SLC44A5: variants seen among roughly 807,000 people sequenced by gnomAD.
The protein encoded by SLC44A5 is choline transporter-like protein 5.
A neutral mutation model predicts 101.8 loss-of-function variants in SLC44A5; 57 were observed. The observed-to-expected ratio is 0.56, with a 90% CI of 0.45 to 0.70. The LOEUF (loss-of-function observed/expected upper bound fraction) is 0.70, where lower values mean the gene tolerates loss of function less well. Among genes scored for constraint, SLC44A5 ranks in the 30% least tolerant of loss-of-function variants. The pLI is 0.00. For missense variants in SLC44A5, 737 were observed against 853.1 expected (o/e 0.86, Z 1.70); for synonymous variants, 281 against 290.9 (o/e 0.97, Z 0.35).
At chr1:75,377,385 G>T (rs1490923145) in intron 3 of SLC44A5, among the ~76,000 whole-genome samples, 7 of 40,382 alleles carry the variant, frequency 1.7e-4, no homozygotes, top group Non-Finnish European at 3.0e-4. Flanking sequence ...ACTGCGGAAG[G>T]CCGCAGGGAC....
intron 3 of SLC44A5, among the ~76,000 whole-genome samples, chr1:75,348,267 G>C (rs553784798): frequency 6.6e-6 from 1 of 152,026 alleles, no homozygotes; most frequent in Admixed American, 6.6e-5. Flanking sequence ...AAAATATCAG[G>C]CCAAAATACA....
intron 3 of SLC44A5, among the ~76,000 whole-genome samples, chr1:75,371,783 T>A (rs1371358523): frequency 6.6e-6 from 1 of 152,226 alleles, no homozygotes; most frequent in Non-Finnish European, 1.5e-5. Flanking sequence ...TTTATTTAGT[T>A]CAACCTTCTA....
chr1:75,645,313 G>A, the SLC44A5 span, among the ~76,000 whole-genome samples: 6 of 152,038 alleles, frequency 3.9e-5, no homozygotes, highest in South Asian at 4.2e-4. Flanking sequence ...TTTAATGATC[G>A]CCATTCTAAC....
the SLC44A5 span, among the ~76,000 whole-genome samples, chr1:75,681,458 C>T: frequency 1.3e-5 from 2 of 150,804 alleles, no homozygotes; most frequent in Non-Finnish European, 3.0e-5. Context: ...TCAATATATG[C>T]AAATCAATAA....
chr1:75,449,016 G>A (rs1052046606), intron 2 of SLC44A5, among the ~76,000 whole-genome samples: 30 of 151,980 alleles, frequency 2.0e-4, no homozygotes, highest in African/African-American at 7.3e-4. Context: ...TTCTGAATGT[G>A]TTCATCCCTC....
chr1:75,409,410 A>G (rs1557755801), intron 2 of SLC44A5, among the ~76,000 whole-genome samples: 2 of 152,102 alleles, frequency 1.3e-5, no homozygotes, highest in Non-Finnish European at 2.9e-5. Context: ...GTACTCCTTG[A>G]ATCTAATTTT....
chr1:75,586,369 A>ATGTGTG lies in SLC44A5; in HGVS notation c.-70+24665_-70+24670dup, dbSNP rs138209068. Among the ~76,000 whole-genome samples, 696 of 138,908 alleles carry ATGTGTG rather than the reference A, an allele frequency of 5.0e-3. 11 individuals carry two copies. The highest frequency in any genetic ancestry group is 0.018 in the African/African-American group (675 of 37,586). The allele number at this position is 138,908 out of a possible 152,430, so 91.1% of individuals were successfully genotyped here. A position where few individuals can be genotyped will look rare whatever the true frequency, so the allele number is the denominator to read the frequency against. ...TATAAATCTCTTTCTGTATGTATAT[A>ATGTGTG]TGTGTGTGTGTGTGTGTTTGTGTGT... On this transcript the variant is annotated intron_variant, in intron 1 of 23. Coordinates refer to ENST00000370859, the MANE Select transcript of SLC44A5 (RefSeq NM_001130058.2).
chr1:75,250,865 C>T (rs765144065), intron 7 of SLC44A5, among the ~76,000 whole-genome samples: 2 of 152,192 alleles, frequency 1.3e-5, no homozygotes, highest in East Asian at 3.9e-4. Flanking sequence ...CACTGAAAAA[C>T]GTGGTTTGTT....
intron 5 of SLC44A5, among the ~76,000 whole-genome samples, chr1:75,299,621 G>C (rs1029891356): frequency 6.6e-6 from 1 of 152,072 alleles, no homozygotes; most frequent in Non-Finnish European, 1.5e-5. Flanking sequence ...CAGAACCTAT[G>C]TCTCTGGGGA....
At chr1:75,553,562 AATGTAACTT>A (rs1672055509) in intron 1 of SLC44A5, among the ~76,000 whole-genome samples, 2 of 152,178 alleles carry the variant, frequency 1.3e-5, no homozygotes, top group African/African-American at 4.8e-5. Context: ...AGACACAAAA[AATGTAACTT>A]AAGGTCCAGA....
At chr1:75,549,980 G>A (rs1014808363) in intron 1 of SLC44A5, among the ~76,000 whole-genome samples, 3 of 151,988 alleles carry the variant, frequency 2.0e-5, no homozygotes, top group Non-Finnish European at 4.4e-5. Context: ...GTGGGCCATG[G>A]GAAAGCATTT....
intron 4 of SLC44A5, among the ~76,000 whole-genome samples, chr1:75,326,242 C>T (rs1458719529): frequency 6.8e-6 from 1 of 148,028 alleles, no homozygotes; most frequent in Non-Finnish European, 1.5e-5. Context: ...AATTAAGACA[C>T]CTTGCTTCTA....
chr1:75,375,565 A>G (rs981903811), intron 3 of SLC44A5, among the ~76,000 whole-genome samples: 5 of 152,184 alleles, frequency 3.3e-5, no homozygotes, highest in African/African-American at 1.2e-4. Flanking sequence ...AAGAAAAGAA[A>G]TCTTAAAGGC....
intron 1 of SLC44A5, among the ~76,000 whole-genome samples, chr1:75,550,464 A>G (rs1347866379): frequency 2.0e-5 from 3 of 152,070 alleles, no homozygotes; most frequent in African/African-American, 7.2e-5. Context: ...GCAATTAGAC[A>G]CCAGTGATGC....
intron 2 of SLC44A5, among the ~76,000 whole-genome samples, chr1:75,508,321 T>C (rs769033426): frequency 9.2e-5 from 14 of 152,080 alleles, no homozygotes; most frequent in Non-Finnish European, 1.9e-4. Context: ...CAGAGACATG[T>C]CATCCCAAAA....
Position 75,211,493 on chromosome 1 carries a change from A to G in SLC44A5, c.2022T>C (p.Cys674=), listed in dbSNP as rs768223660. 6.2e-7 allele frequency: 1 copy of G among 1,612,718 alleles called. No individual in the cohort carries two copies. Among genetic ancestry groups the G allele is most frequent in the Non-Finnish European group, 8.5e-7 (1 of 1,179,108 alleles). ...AGAAGCAGATGAAAATTGTTTCAACACACATTGCATAGACGCTGAAGAACC... is the reference window on the plus strand; with the variant it reads ...AGAAGCAGATGAAAATTGTTTCAACGCACATTGCATAGACGCTGAAGAACC... ...AHGFFSVYAM[C]VETIFICFLE... is the part of the protein sequence containing the mutation. Residue 674 remains cysteine, a synonymous_variant, in exon 23 of 24, where the codon TGT becomes TGC. Coordinates refer to ENST00000370859, the MANE Select transcript of SLC44A5 (RefSeq NM_001130058.2).
At chr1:75,462,752 A>T (rs571105351) in intron 2 of SLC44A5, among the ~76,000 whole-genome samples, 1 of 152,266 alleles carries the variant, frequency 6.6e-6, no homozygotes, top group African/African-American at 2.4e-5. Flanking sequence ...ATACTGAAGG[A>T]TGCATCACAG....
intron 2 of SLC44A5, among the ~76,000 whole-genome samples, chr1:75,451,578 T>C (rs1023830719): frequency 3.9e-5 from 6 of 151,956 alleles, no homozygotes; most frequent in African/African-American, 1.2e-4. Context: ...ACTAATAGCA[T>C]CTCCAGATGA....
At chr1:75,260,640 C>T (rs1650416082) in intron 6 of SLC44A5, among the ~76,000 whole-genome samples, 1 of 152,050 alleles carries the variant, frequency 6.6e-6, no homozygotes, top group Non-Finnish European at 1.5e-5. Flanking sequence ...ACAAGGATAT[C>T]CGGGACCTGA....
Sources: allele counts gnomAD v4.1 joint callset (sites outside exome capture counted in the v4.1 genomes callset), GRCh38; gene constraint gnomAD v4.1.1; transcripts MANE v1.5; gene names NCBI Gene and HGNC (gene_info 2026-07-23, HGNC 2026-07-21).